GOLM1: variants seen among roughly 807,000 people sequenced by gnomAD.
The protein encoded by GOLM1 is epididymis luminal protein 46.
A neutral mutation model predicts 50.5 loss-of-function variants in GOLM1; 31 were observed. That is an observed-to-expected ratio of 0.61 (90% confidence interval 0.46 to 0.83). GOLM1 has a LOEUF of 0.83. Among genes scored for constraint, GOLM1 ranks in the 40% least tolerant of loss-of-function variants. The probability of loss-of-function intolerance (pLI) is 0.00; values close to 1 mark genes in which losing one functional copy is unlikely to be tolerated. For missense variants in GOLM1, 491 were observed against 501.3 expected, an observed-to-expected ratio of 0.98 and a Z score of 0.20; for synonymous variants, 178 against 192.8, an observed-to-expected ratio of 0.92 and a Z score of 0.64.
rs1234784523 is a variant in GOLM1 at position 86,061,356 on chromosome 9, G to A, written c.310-8765C>T. Among the ~76,000 whole-genome samples, 3 of 152,292 alleles carry A rather than the reference G, an allele frequency of 2.0e-5. 1 individual carries two copies. Among genetic ancestry groups the A allele is most frequent in the African/African-American group, 7.2e-5 (3 of 41,562 alleles). Reference sequence around the variant, plus strand: ...AGATTCAAGAACTTTTAGAAGGGCAGGTCTTTGCTGCAGTATTTCTCATTT... The same window carrying A: ...AGATTCAAGAACTTTTAGAAGGGCAAGTCTTTGCTGCAGTATTTCTCATTT... On this transcript the variant is annotated intron_variant, in intron 3 of 9. Transcript: ENST00000388712.
intron 9 of GOLM1, among the ~76,000 whole-genome samples, chr9:86,031,456 T>G (rs893572532): frequency 7.1e-6 from 1 of 141,672 alleles, no homozygotes; most frequent in African/African-American, 2.7e-5. Flanking sequence ...GAGGTTTTTT[T>G]TTTTTTTTTT....
chr9:86,061,060 A>AATAGTC (rs1449710139), intron 3 of GOLM1, among the ~76,000 whole-genome samples: 4 of 152,068 alleles, frequency 2.6e-5, no homozygotes, highest in African/African-American at 4.8e-5. Flanking sequence ...CGTGTGCTGA[A>AATAGTC]ATAGTCATGG....
intron 6 of GOLM1, among the ~76,000 whole-genome samples, chr9:86,038,160 G>GAAAAAA (rs552680791): frequency 3.4e-5 from 3 of 88,346 alleles, no homozygotes; most frequent in Non-Finnish European, 7.6e-5. Context: ...AACACCAAAA[G>GAAAAAA]AAAAAAAAAA....
intron 6 of GOLM1, among the ~76,000 whole-genome samples, chr9:86,037,595 G>A (rs1339710102): frequency 6.6e-6 from 1 of 152,154 alleles, no homozygotes; most frequent in African/African-American, 2.4e-5. Context: ...CACGTGAGAA[G>A]CTTAAAAGTC....
intron 3 of GOLM1, among the ~76,000 whole-genome samples, chr9:86,072,256 G>T (rs1834471124): frequency 6.6e-6 from 1 of 152,198 alleles, no homozygotes; most frequent in Admixed American, 6.5e-5. Flanking sequence ...CTGTATTTAT[G>T]ATGTTTTTTG....
At chr9:86,063,320 A>G (rs1834214368) in intron 3 of GOLM1, among the ~76,000 whole-genome samples, 1 of 152,238 alleles carries the variant, frequency 6.6e-6, no homozygotes, top group African/African-American at 2.4e-5. Context: ...TGGGCACCCC[A>G]GGGCTGAGCC....
At chr9:86,053,011 C>CCAA (rs1833813632) in intron 3 of GOLM1, among the ~76,000 whole-genome samples, 1 of 144,058 alleles carries the variant, frequency 6.9e-6, no homozygotes, top group Non-Finnish European at 1.5e-5. Context: ...ACACCACACA[C>CCAA]ACCACTCCAC....
chr9:86,067,771 G>A (rs1019614695), intron 3 of GOLM1, among the ~76,000 whole-genome samples: 1 of 152,228 alleles, frequency 6.6e-6, no homozygotes, highest in Non-Finnish European at 1.5e-5. Flanking sequence ...GGGAGGCCGA[G>A]GCGGGCGGAT....
intron 1 of GOLM1, among the ~76,000 whole-genome samples, chr9:86,085,659 G>A (rs879128748): frequency 2.0e-5 from 3 of 152,032 alleles, no homozygotes; most frequent in Non-Finnish European, 4.4e-5. Flanking sequence ...AGGCCCTGGT[G>A]TGTGATGTTT....
chr9:86,046,992 T>C (rs1833567663), intron 4 of GOLM1, among the ~76,000 whole-genome samples: 1 of 141,178 alleles, frequency 7.1e-6, no homozygotes, highest in Non-Finnish European at 1.5e-5. Flanking sequence ...TGATTTTTGA[T>C]GTTTGGTCAG....
At chr9:86,085,607 TCTC>T (rs1834934645) in intron 1 of GOLM1, among the ~76,000 whole-genome samples, 4 of 152,056 alleles carry the variant, frequency 2.6e-5, no homozygotes, top group African/African-American at 9.7e-5. Flanking sequence ...TTTAGTTACT[TCTC>T]CTAATGCTTA....
chr9:86,058,113 A>G (rs1016775994), intron 3 of GOLM1, among the ~76,000 whole-genome samples: 2 of 152,248 alleles, frequency 1.3e-5, no homozygotes, highest in Non-Finnish European at 2.9e-5. Context: ...GAATGAAGGG[A>G]AGAATATCAA....
At chr9:86,053,568 CATCA>C (rs1289223198) in intron 3 of GOLM1, among the ~76,000 whole-genome samples, 1 of 826 alleles carries the variant, frequency 1.2e-3, no homozygotes, top group African/African-American at 5.6e-3. Flanking sequence ...CACACACACA[CATCA>C]CACACACCAC....
chr9:86,059,593 T>A (rs1834093217), intron 3 of GOLM1, among the ~76,000 whole-genome samples: 2 of 152,216 alleles, frequency 1.3e-5, no homozygotes, highest in Non-Finnish European at 2.9e-5. Flanking sequence ...CATTTCTTTG[T>A]GGGGTGATAA....
intron 3 of GOLM1, among the ~76,000 whole-genome samples, chr9:86,060,440 T>C (rs535000286): frequency 6.6e-6 from 1 of 152,068 alleles, no homozygotes; most frequent in Non-Finnish European, 1.5e-5. Context: ...GACTCCCAAA[T>C]GCTTCATGCC....
intron 3 of GOLM1, among the ~76,000 whole-genome samples, chr9:86,063,751 GCAAAACC>G (rs1366686419): frequency 1.3e-5 from 2 of 152,170 alleles, no homozygotes; most frequent in African/African-American, 4.8e-5. Flanking sequence ...AACCACAACA[GCAAAACC>G]CAAAGCCTCC....
chr9:86,049,832 T>G (rs946953445), intron 4 of GOLM1, among the ~76,000 whole-genome samples: 5 of 152,358 alleles, frequency 3.3e-5, no homozygotes, highest in Middle Eastern at 3.4e-3. Flanking sequence ...TTTGACTTCC[T>G]CTTTTCCTAA....
At chr9:86,035,670 TTAAAAA>T in intron 7 of GOLM1, 45 bp from the exon 8 acceptor site, 2 of 1,297,012 alleles carry the variant, frequency 1.5e-6, no homozygotes, top group African/African-American at 2.2e-5. Flanking sequence ...AGCATTTGAT[TTAAAAA>T]AAAAAAAAAA....
intron 5 of GOLM1, among the ~76,000 whole-genome samples, chr9:86,045,674 G>A (rs28418317): frequency 0.04 from 3,726 of 92,262 alleles, 75 homozygotes; most frequent in African/African-American, 0.081. Flanking sequence ...CTCCGCTCAA[G>A]AAAAAAAAAA....
Sources: gnomAD v4.1 joint callset for allele counts (sites outside exome capture counted in the v4.1 genomes callset) on GRCh38, gnomAD v4.1.1 for gene constraint, MANE v1.5 for transcripts, NCBI Gene and HGNC (gene_info 2026-07-23, HGNC 2026-07-21) for gene names.